GRIK2: variants seen among roughly 807,000 people sequenced by gnomAD.
GRIK2 encodes the protein glutamate receptor ionotropic, kainate 2.
Under a neutral mutation model 100.3 loss-of-function variants are expected in GRIK2, and 32 were observed. The observed-to-expected ratio is 0.32, with a 90% CI of 0.24 to 0.43. The LOEUF is 0.43. Among genes scored for constraint, GRIK2 ranks in the 20% least tolerant of loss-of-function variants. The probability of loss-of-function intolerance (pLI) is 1.00; values close to 1 mark genes in which losing one functional copy is unlikely to be tolerated. For missense variants in GRIK2, 843 were observed against 1,114.9 expected, an observed-to-expected ratio of 0.76 and a Z score of 3.47; for synonymous variants, 417 against 389.4, an observed-to-expected ratio of 1.07 and a Z score of -0.83.
chr6:101,727,571 T>A (rs528776867), intron 7 of GRIK2, among the ~76,000 whole-genome samples: 2 of 152,268 alleles, frequency 1.3e-5, no homozygotes, highest in Middle Eastern at 6.8e-3. Context: ...TTGTACATTA[T>A]CTTTCAACTT....
chr6:101,991,019 T>C (rs1222815332), intron 14 of GRIK2, among the ~76,000 whole-genome samples: 1 of 151,856 alleles, frequency 6.6e-6, no homozygotes, highest in African/African-American at 2.4e-5. Flanking sequence ...AGATGTAAGA[T>C]GCACATGCTA....
intron 15 of GRIK2, among the ~76,000 whole-genome samples, chr6:102,054,625 T>C (rs576714393): frequency 6.6e-6 from 1 of 152,210 alleles, no homozygotes; most frequent in Admixed American, 6.5e-5. Flanking sequence ...TTATTTATAT[T>C]GTTGCCTCCA....
At chr6:101,911,822 A>C (rs996790088) in intron 12 of GRIK2, among the ~76,000 whole-genome samples, 1 of 151,476 alleles carries the variant, frequency 6.6e-6, no homozygotes, top group Non-Finnish European at 1.5e-5. Context: ...CTTATTACAC[A>C]ATAATACACA....
chr6:101,576,928 T>C (rs528285770), intron 2 of GRIK2, among the ~76,000 whole-genome samples: 1 of 152,180 alleles, frequency 6.6e-6, no homozygotes, highest in African/African-American at 2.4e-5. Context: ...GGAGGCCACA[T>C]TGAATAAACA....
rs1209724182 is a variant in GRIK2 at position 101,595,708 on chromosome 6, G to A, written c.116-26241G>A. Among the ~76,000 whole-genome samples, 958 of 125,056 alleles carry A rather than the reference G, an allele frequency of 7.7e-3. 13 individuals are homozygous for A. The highest frequency in any genetic ancestry group is 0.029 in the African/African-American group (907 of 31,090). The allele number at this position is 125,056 out of a possible 152,430, so 82.0% of individuals were successfully genotyped here. On this transcript the variant is annotated intron_variant, in intron 2 of 16. Coordinates refer to ENST00000369134, the MANE Select transcript of GRIK2 (RefSeq NM_021956.5). ...TGCATGTATATATATATGTGTGTGT[G>A]TGTGTGTGTGTATATATATATATAT... is the stretch of plus-strand genomic sequence containing the variant.
chr6:102,050,730 AAC>A (rs1771134893), intron 15 of GRIK2, among the ~76,000 whole-genome samples: 2 of 150,906 alleles, frequency 1.3e-5, no homozygotes, highest in Non-Finnish European at 3.0e-5. Flanking sequence ...AAGGAAAGGG[AAC>A]ACAGAGGAAT....
intron 14 of GRIK2, among the ~76,000 whole-genome samples, chr6:101,946,010 A>G (rs952373590): frequency 1.3e-5 from 2 of 151,068 alleles, no homozygotes; most frequent in African/African-American, 4.9e-5. Flanking sequence ...CATGTTTATG[A>G]TATAGTAAAT....
intron 14 of GRIK2, among the ~76,000 whole-genome samples, chr6:101,952,606 A>T (rs1582603832): frequency 2.8e-5 from 4 of 144,806 alleles, no homozygotes; most frequent in Admixed American, 6.9e-5. Flanking sequence ...TCACCACAAT[A>T]TTTTTTTTTT....
intron 2 of GRIK2, among the ~76,000 whole-genome samples, chr6:101,467,006 G>C (rs1771683321): frequency 6.6e-6 from 1 of 152,132 alleles, no homozygotes; most frequent in South Asian, 2.1e-4. Flanking sequence ...ATACATGATA[G>C]TAGCTGTCTT....
intron 2 of GRIK2, among the ~76,000 whole-genome samples, chr6:101,460,656 T>C (rs1771258664): frequency 6.6e-6 from 1 of 152,196 alleles, no homozygotes; most frequent in South Asian, 2.1e-4. Flanking sequence ...AAATTTGCAT[T>C]CAATCTTTGA....
intron 10 of GRIK2, among the ~76,000 whole-genome samples, chr6:101,844,369 TATG>T (rs1783686082): frequency 6.6e-6 from 1 of 152,100 alleles, no homozygotes; most frequent in Non-Finnish European, 1.5e-5. Flanking sequence ...ATTAAGGAAA[TATG>T]ATGTTTCTCA....
intron 7 of GRIK2, among the ~76,000 whole-genome samples, chr6:101,799,119 C>A (rs935083470): frequency 1.3e-5 from 2 of 151,994 alleles, no homozygotes; most frequent in Non-Finnish European, 1.5e-5. Flanking sequence ...GGGTTTATAT[C>A]TTTTTAAAGC....
At chr6:102,055,307 T>G (rs777327010) in intron 15 of GRIK2, 23 bp from the exon 16 acceptor site, 2 of 1,576,098 alleles carry the variant, frequency 1.3e-6, no homozygotes, top group Non-Finnish European at 1.7e-6. Flanking sequence ...TTGAAATACT[T>G]AACATAACCT....
intron 7 of GRIK2, among the ~76,000 whole-genome samples, chr6:101,708,840 T>C (rs1473077873): frequency 6.6e-6 from 1 of 151,746 alleles, no homozygotes; most frequent in Non-Finnish European, 1.5e-5. Flanking sequence ...CCAACAAAGA[T>C]ATGTTGAAAT....
rs542724101 is a variant in GRIK2 at position 101,840,644 on chromosome 6, A to G, written c.1318-18643A>G. Among the ~76,000 whole-genome samples the G allele has an allele frequency of 3.3e-5, 5 of 152,324 alleles. No homozygotes were observed. In the East Asian group the frequency reaches 7.7e-4, roughly 23 times the overall value. On this transcript the variant is annotated intron_variant, in intron 10 of 16. Transcript: ENST00000369134. ...CCATTTATCAGTCAATTATTTTATT[A>G]GGCATATTTCTTATTAGGTGTTTAT... is the stretch of plus-strand genomic sequence containing the variant.
At chr6:101,875,411 A>G (rs889394359) in intron 11 of GRIK2, among the ~76,000 whole-genome samples, 4 of 151,688 alleles carry the variant, frequency 2.6e-5, no homozygotes, top group Non-Finnish European at 4.4e-5. Context: ...TACACATACT[A>G]TTTTTTCTTT....
At chr6:101,597,250 A>C (rs1443685955) in intron 2 of GRIK2, among the ~76,000 whole-genome samples, 1 of 151,498 alleles carries the variant, frequency 6.6e-6, no homozygotes, top group Non-Finnish European at 1.5e-5. Context: ...GGAGGGGAAG[A>C]AAGGTTGAAA....
At chr6:101,422,012 G>A (rs558768392) in intron 2 of GRIK2, among the ~76,000 whole-genome samples, 1 of 152,300 alleles carries the variant, frequency 6.6e-6, no homozygotes, top group South Asian at 2.1e-4. Flanking sequence ...GACATTAAAA[G>A]TGTTGCTCCT....
intron 7 of GRIK2, among the ~76,000 whole-genome samples, chr6:101,798,168 C>T (rs1303289196): frequency 6.6e-6 from 1 of 151,558 alleles, no homozygotes; most frequent in African/African-American, 2.4e-5. Flanking sequence ...ATTTTTAAGG[C>T]TCTCTTACGT....
Sources: gnomAD v4.1 joint callset for allele counts (sites outside exome capture counted in the v4.1 genomes callset) on GRCh38, gnomAD v4.1.1 for gene constraint, MANE v1.5 for transcripts, NCBI Gene and HGNC (gene_info 2026-07-23, HGNC 2026-07-21) for gene names.